Variants in LINGO2 observed in about 807,000 individuals in gnomAD.
The protein encoded by LINGO2 is leucine-rich repeat and immunoglobulin-like domain-containing nogo receptor-interacting protein 2.
A neutral mutation model predicts 30.6 loss-of-function variants in LINGO2; 14 were observed. The observed-to-expected ratio is 0.46, with a 90% CI of 0.30 to 0.72. LINGO2 has a LOEUF of 0.72. Among genes scored for constraint, LINGO2 ranks in the 30% least tolerant of loss-of-function variants. The pLI is 0.07. For missense variants in LINGO2, 729 were observed against 751.7 expected, an observed-to-expected ratio of 0.97 and a Z score of 0.35; for synonymous variants, 317 against 288.5, an observed-to-expected ratio of 1.10 and a Z score of -1.00.
chr9:28,873,614 G>A, the LINGO2 span, among the ~76,000 whole-genome samples: 1 of 152,100 alleles, frequency 6.6e-6, no homozygotes, highest in African/African-American at 2.4e-5. Context: ...AAGGCTGTTG[G>A]TTGTGATACA....
chr9:28,952,638 A>T, the LINGO2 span, among the ~76,000 whole-genome samples: 1 of 152,062 alleles, frequency 6.6e-6, no homozygotes, highest in African/African-American at 2.4e-5. Flanking sequence ...GGAGAAAACC[A>T]CACTGGCCTT....
chr9:28,513,631 G>T (rs1391896807), intron 1 of LINGO2, among the ~76,000 whole-genome samples: 5 of 152,106 alleles, frequency 3.3e-5, no homozygotes, highest in Admixed American at 3.3e-4. Context: ...TAAAAATACT[G>T]GATGAGTCTA....
At chr9:28,043,789 G>C (rs1824297447) in intron 4 of LINGO2, among the ~76,000 whole-genome samples, 1 of 152,086 alleles carries the variant, frequency 6.6e-6, no homozygotes, top group African/African-American at 2.4e-5. Flanking sequence ...CATCTACAAT[G>C]ATTTTGCATA....
At chr9:28,871,566 TA>T in the LINGO2 span, among the ~76,000 whole-genome samples, 1 of 151,878 alleles carries the variant, frequency 6.6e-6, no homozygotes, top group South Asian at 2.1e-4. Context: ...TTTTATGTAA[TA>T]TATAAAAATA....
the LINGO2 span, among the ~76,000 whole-genome samples, chr9:29,129,352 G>T: frequency 2.8e-4 from 43 of 152,202 alleles, no homozygotes; most frequent in African/African-American, 7.5e-4. Flanking sequence ...ATGAGTACAT[G>T]TAAATGGGAT....
the LINGO2 span, among the ~76,000 whole-genome samples, chr9:28,767,107 A>G: frequency 6.6e-6 from 1 of 151,138 alleles, no homozygotes; most frequent in Non-Finnish European, 1.5e-5. Context: ...TAATGGAGAG[A>G]CGTAGGTCAA....
At chr9:28,027,475 G>A (rs1197515063) in intron 4 of LINGO2, among the ~76,000 whole-genome samples, 1 of 152,096 alleles carries the variant, frequency 6.6e-6, no homozygotes, top group East Asian at 1.9e-4. Flanking sequence ...AAATTATTCA[G>A]CACCTTTTAT....
the LINGO2 span, among the ~76,000 whole-genome samples, chr9:28,839,532 T>C: frequency 6.6e-6 from 1 of 152,006 alleles, no homozygotes; most frequent in Non-Finnish European, 1.5e-5. Flanking sequence ...AGGCAGGTCG[T>C]CCCCACATCT....
At chr9:29,128,384 T>TC in the LINGO2 span, among the ~76,000 whole-genome samples, 3 of 152,094 alleles carry the variant, frequency 2.0e-5, no homozygotes, top group Admixed American at 2.0e-4. Context: ...CTTGGCTGCA[T>TC]CCTCAACCAC....
rs1405972460 is a variant in LINGO2 at position 28,076,438 on chromosome 9, C to G, written c.-86-64033G>C. 2.0e-5 allele frequency among the ~76,000 whole-genome samples: 3 copies of G among 151,864 alleles called. No homozygotes were observed. In the East Asian group the frequency reaches 5.8e-4, roughly 29 times the overall value. On this transcript the variant is annotated intron_variant, in intron 4 of 5. Coordinates refer to ENST00000379992, the Ensembl canonical transcript of LINGO2. Reference sequence around the variant, plus strand: ...CATTTTAATTCTGATCTCTTCCTAGCTTACATTGCATAGCTTTTTTATATT... The same window carrying G: ...CATTTTAATTCTGATCTCTTCCTAGGTTACATTGCATAGCTTTTTTATATT...
intron 4 of LINGO2, among the ~76,000 whole-genome samples, chr9:28,211,264 T>G (rs1820580903): frequency 1.3e-5 from 2 of 151,388 alleles, no homozygotes; most frequent in South Asian, 4.2e-4. Context: ...ATTAGTTGGA[T>G]TTACCAAGAA....
the LINGO2 span, among the ~76,000 whole-genome samples, chr9:29,034,555 A>G: frequency 6.6e-6 from 1 of 152,114 alleles, no homozygotes; most frequent in African/African-American, 2.4e-5. Context: ...TTGGAGAGGT[A>G]CATTCCTAAT....
the LINGO2 span, among the ~76,000 whole-genome samples, chr9:28,885,263 C>T: frequency 1.4e-5 from 2 of 147,564 alleles, no homozygotes; most frequent in Non-Finnish European, 3.0e-5. Flanking sequence ...CCCATGGGTG[C>T]AGTGTGGAAG....
At chr9:28,103,429 T>G (rs1826474791) in intron 4 of LINGO2, among the ~76,000 whole-genome samples, 1 of 152,090 alleles carries the variant, frequency 6.6e-6, no homozygotes, top group Non-Finnish European at 1.5e-5. Context: ...ACCGAGGCCC[T>G]AAGAAGCTTT....
chr9:28,100,824 T>C lies in LINGO2; in HGVS notation c.-86-88419A>G, dbSNP rs141803431. 5.9e-5 allele frequency among the ~76,000 whole-genome samples: 9 copies of C among 152,284 alleles called. No individual in the cohort carries two copies. The East Asian group carries it at 1.7e-3, about 30-fold the overall frequency. On this transcript the variant is annotated intron_variant, in intron 4 of 5. Coordinates refer to ENST00000379992, the Ensembl canonical transcript of LINGO2. ...TGTCTGACTTATTAGAATTGATGAATTGACTGGGAATGAGCTTTGCGTACG... is the reference window on the plus strand; with the variant it reads ...TGTCTGACTTATTAGAATTGATGAACTGACTGGGAATGAGCTTTGCGTACG...
At chr9:28,021,916 T>C (rs1200575629) in intron 4 of LINGO2, among the ~76,000 whole-genome samples, 1 of 152,078 alleles carries the variant, frequency 6.6e-6, no homozygotes, top group African/African-American at 2.4e-5. Flanking sequence ...TTTTTGTATT[T>C]TTAATTCACT....
chr9:27,964,111 C>A (rs1819982809), intron 5 of LINGO2, among the ~76,000 whole-genome samples: 1 of 152,126 alleles, frequency 6.6e-6, no homozygotes, highest in Admixed American at 6.6e-5. Flanking sequence ...TTACCTATTT[C>A]TCTCTACTTA....
chr9:29,048,831 C>T, the LINGO2 span, among the ~76,000 whole-genome samples: 1 of 152,112 alleles, frequency 6.6e-6, no homozygotes, highest in Non-Finnish European at 1.5e-5. Context: ...GGATTAAAAA[C>T]TTAAATCTAA....
At chr9:28,080,463 C>A (rs1016540864) in intron 4 of LINGO2, 2 of 152,108 alleles carry the variant, frequency 1.3e-5, no homozygotes, top group African/African-American at 4.8e-5. Context: ...TCTCTGATCC[C>A]AGATTTTTAA....
Sources: gnomAD v4.1 joint callset for allele counts (sites outside exome capture counted in the v4.1 genomes callset) on GRCh38, gnomAD v4.1.1 for gene constraint, MANE v1.5 for transcripts, NCBI Gene and HGNC (gene_info 2026-07-23, HGNC 2026-07-21) for gene names.